Variants in GRM5 observed in about 807,000 individuals in gnomAD.
GRM5 encodes metabotropic glutamate receptor 5.
Under a neutral mutation model 83.1 loss-of-function variants are expected in GRM5, and 19 were observed. That is an observed-to-expected ratio of 0.23 (90% confidence interval 0.16 to 0.34). GRM5 has a LOEUF of 0.34. GRM5 is among the 10% of genes least tolerant of loss of function. The pLI, the probability that GRM5 is intolerant of heterozygous loss-of-function variation, is 1.00. For missense variants in GRM5, 1,160 were observed against 1,588.3 expected, an observed-to-expected ratio of 0.73 and a Z score of 4.58; for synonymous variants, 675 against 633.6, an observed-to-expected ratio of 1.07 and a Z score of -0.98.
chr11:88,866,728 A>G (rs1170575843), intron 2 of GRM5, among the ~76,000 whole-genome samples: 1 of 152,084 alleles, frequency 6.6e-6, no homozygotes, highest in Non-Finnish European at 1.5e-5. Context: ...ATGCTATACA[A>G]TCTTGGCTTT....
chr11:88,991,968 C>G (rs1277121037), intron 2 of GRM5, among the ~76,000 whole-genome samples: 1 of 152,106 alleles, frequency 6.6e-6, no homozygotes, highest in Non-Finnish European at 1.5e-5. Flanking sequence ...GACTTCATGT[C>G]TAAAACACCA....
intron 2 of GRM5, among the ~76,000 whole-genome samples, chr11:89,030,191 C>T: frequency 6.6e-6 from 1 of 152,056 alleles, no homozygotes; most frequent in Non-Finnish European, 1.5e-5. Flanking sequence ...AATGATAAAA[C>T]TTGGATATTT....
chr11:88,790,519 A>T lies in GRM5; in HGVS notation c.911+59387T>A, dbSNP rs564919478. 1.1e-3 allele frequency among the ~76,000 whole-genome samples: 167 copies of T among 152,334 alleles called. 1 individual carries two copies. The highest frequency in any genetic ancestry group is 3.9e-3 in the African/African-American group (161 of 41,588). ...GTGTTACAACTTCAGATGAAGCAGG[A>T]AACTCTTCTTTTTTAATATATAGAA... is the stretch of plus-strand genomic sequence containing the variant. On this transcript the variant is annotated intron_variant, in intron 3 of 9. Transcript: ENST00000305447.
At chr11:88,515,566 G>A (rs903322827) in intron 9 of GRM5, among the ~76,000 whole-genome samples, 30 of 152,204 alleles carry the variant, frequency 2.0e-4, no homozygotes, top group African/African-American at 6.5e-4. Context: ...GAAGCATTCC[G>A]TATCCTATAA....
intron 2 of GRM5, among the ~76,000 whole-genome samples, chr11:88,970,246 T>G (rs1430986144): frequency 6.6e-6 from 1 of 152,140 alleles, no homozygotes; most frequent in Non-Finnish European, 1.5e-5. Context: ...TGCTTTTTTC[T>G]CACCTACCTA....
chr11:89,027,780 T>C (rs1941161737), intron 2 of GRM5, among the ~76,000 whole-genome samples: 1 of 152,246 alleles, frequency 6.6e-6, no homozygotes, highest in Non-Finnish European at 1.5e-5. Flanking sequence ...CTCAAAACTA[T>C]GGCAACTGCT....
intron 3 of GRM5, among the ~76,000 whole-genome samples, chr11:88,786,704 C>T (rs1247759769): frequency 1.3e-5 from 2 of 152,050 alleles, no homozygotes; most frequent in South Asian, 2.1e-4. Context: ...TATTTTAAAA[C>T]ATCATTCCCA....
chr11:88,930,845 A>C (rs1379418579), intron 2 of GRM5, among the ~76,000 whole-genome samples: 1 of 152,038 alleles, frequency 6.6e-6, no homozygotes, highest in Admixed American at 6.6e-5. Context: ...GAGTCACCAC[A>C]CTCGGCCTCA....
intron 3 of GRM5, among the ~76,000 whole-genome samples, chr11:88,761,824 CA>C (rs1398511073): frequency 6.8e-6 from 1 of 146,650 alleles, no homozygotes; most frequent in African/African-American, 2.4e-5. Context: ...CTACAGTAAC[CA>C]AAAAAGCATG....
At chr11:88,654,960 CT>C (rs1307927223) in intron 3 of GRM5, among the ~76,000 whole-genome samples, 1 of 151,858 alleles carries the variant, frequency 6.6e-6, no homozygotes, top group African/African-American at 2.4e-5. Flanking sequence ...TCATATATTA[CT>C]TATTAAGATA....
At chr11:88,523,608 C>T (rs1552739) in intron 9 of GRM5, among the ~76,000 whole-genome samples, 20,071 of 152,144 alleles carry the variant, frequency 0.13, 1,478 homozygotes, top group Non-Finnish European at 0.16. Flanking sequence ...CCATCAGATA[C>T]ACCAAAGTAC....
intron 3 of GRM5, among the ~76,000 whole-genome samples, chr11:88,846,578 GA>G: frequency 6.6e-6 from 1 of 152,274 alleles, no homozygotes; most frequent in Non-Finnish European, 1.5e-5. Context: ...CACTTAAGTT[GA>G]ACGACCTATT....
At chr11:88,898,281 A>C (rs779283530) in intron 2 of GRM5, among the ~76,000 whole-genome samples, 2 of 151,934 alleles carry the variant, frequency 1.3e-5, no homozygotes, top group Non-Finnish European at 2.9e-5. Flanking sequence ...GATTAATAAT[A>C]ATAATTAATA....
intron 7 of GRM5, among the ~76,000 whole-genome samples, chr11:88,577,492 T>A (rs149486674): frequency 2.0e-5 from 3 of 152,262 alleles, no homozygotes; most frequent in African/African-American, 2.4e-5. Context: ...GTCCACACTA[T>A]GGTGATAGAA....
chr11:89,010,951 C>T (rs893362300), intron 2 of GRM5, among the ~76,000 whole-genome samples: 21 of 152,184 alleles, frequency 1.4e-4, no homozygotes, highest in Non-Finnish European at 2.9e-4. Flanking sequence ...AGGTAACTTA[C>T]TCCTTTGCTT....
intron 2 of GRM5, among the ~76,000 whole-genome samples, chr11:89,000,235 T>C (rs1410387514): frequency 6.6e-6 from 1 of 152,024 alleles, no homozygotes; most frequent in East Asian, 1.9e-4. Context: ...ACTTAAAGTA[T>C]AACAATAATT....
At chr11:88,700,985 A>G (rs1941019925) in intron 3 of GRM5, among the ~76,000 whole-genome samples, 2 of 152,154 alleles carry the variant, frequency 1.3e-5, no homozygotes, top group Non-Finnish European at 2.9e-5. Context: ...GAGTGGTCCC[A>G]CTTAACCATC....
chr11:88,885,091 T>G (rs1249028326), intron 2 of GRM5, among the ~76,000 whole-genome samples: 1 of 152,006 alleles, frequency 6.6e-6, no homozygotes, highest in Non-Finnish European at 1.5e-5. Flanking sequence ...TTATATATGT[T>G]TATAAATGTT....
At chr11:88,883,381 T>A (rs1469491563) in intron 2 of GRM5, among the ~76,000 whole-genome samples, 4 of 152,156 alleles carry the variant, frequency 2.6e-5, no homozygotes, top group African/African-American at 4.8e-5. Context: ...ACTAGGTCAC[T>A]CTTTCTATGC....
Sources: gnomAD v4.1 joint callset for allele counts (sites outside exome capture counted in the v4.1 genomes callset) on GRCh38, gnomAD v4.1.1 for gene constraint, MANE v1.5 for transcripts, NCBI Gene and HGNC (gene_info 2026-07-23, HGNC 2026-07-21) for gene names.